GTF2IRD1: variants seen among roughly 807,000 people sequenced by gnomAD.
GTF2IRD1 encodes the protein general transcription factor II-I repeat domain-containing protein 1.
In GTF2IRD1, 26 loss-of-function variants were observed where a neutral mutation model predicts 113.2. That is an observed-to-expected ratio of 0.23 (90% CI 0.17 to 0.32). GTF2IRD1 has a LOEUF of 0.32. GTF2IRD1 is among the 10% of genes least tolerant of loss of function. The pLI, the probability that GTF2IRD1 is intolerant of heterozygous loss-of-function variation, is 1.00. For missense variants in GTF2IRD1, 864 were observed against 1,280.8 expected (o/e 0.67, Z 4.97); for synonymous variants, 484 against 529.1 (o/e 0.91, Z 1.17).
intron 22 of GTF2IRD1, chr7:74,572,605 G>A: frequency 2.1e-6 from 2 of 972,300 alleles, no homozygotes; most frequent in Non-Finnish European, 2.4e-6. Context: ...CAAGACTTGA[G>A]AGTCATTTCC....
At chr7:74,532,213 C>T (rs1798002208) in intron 9 of GTF2IRD1, among the ~76,000 whole-genome samples, 1 of 151,318 alleles carries the variant, frequency 6.6e-6, no homozygotes, top group Non-Finnish European at 1.5e-5. Flanking sequence ...CTCGAACCCA[C>T]ATCTCCCCGA....
At position 74,536,164 on chromosome 7, in the gene GTF2IRD1, C is replaced by T. The variant is rs781802581; in HGVS notation, c.1301-3C>T. The T allele has an allele frequency of 3.0e-5, 48 of 1,606,628 alleles. No individual in the cohort carries two copies. Among genetic ancestry groups the T allele is most frequent in the Non-Finnish European group, 4.1e-5 (48 of 1,173,340 alleles). On this transcript the variant is annotated splice_polypyrimidine_tract_variant and splice_region_variant and intron_variant, in intron 10 of 26. Coordinates refer to ENST00000424337, the MANE Select transcript of GTF2IRD1 (RefSeq NM_005685.4). ...ACCCTGACCTCCCTGACTCTCCCCA[C>T]AGGGAACAAGTTTACCAAAGACACC...
intron 17 of GTF2IRD1, among the ~76,000 whole-genome samples, chr7:74,548,153 C>G (rs1187144717): frequency 6.6e-6 from 1 of 152,164 alleles, no homozygotes; most frequent in Non-Finnish European, 1.5e-5. Flanking sequence ...CGCGGTGGCT[C>G]ACGCCTGTAA....
At chr7:74,500,553 G>T (rs547118224) in intron 1 of GTF2IRD1, among the ~76,000 whole-genome samples, 7 of 152,050 alleles carry the variant, frequency 4.6e-5, no homozygotes, top group Non-Finnish European at 1.0e-4. Flanking sequence ...AGCGGGCCAG[G>T]CCTCTCAGTG....
At chr7:74,550,808 C>T (rs781812607) in intron 17 of GTF2IRD1, among the ~76,000 whole-genome samples, 4 of 151,670 alleles carry the variant, frequency 2.6e-5, no homozygotes, top group Non-Finnish European at 5.9e-5. Context: ...ACAGGAGGGT[C>T]GCTTGAGGCC....
intron 1 of GTF2IRD1, among the ~76,000 whole-genome samples, chr7:74,471,671 T>TAAAAAAAAAAA (rs1794096527): frequency 1.8e-5 from 1 of 54,094 alleles, no homozygotes; most frequent in Non-Finnish European, 3.7e-5. Context: ...TTTGAAATAT[T>TAAAAAAAAAAA]TAAAAAAAAA....
At chr7:74,454,948 C>G (rs1584429484) in intron 1 of GTF2IRD1, among the ~76,000 whole-genome samples, 1 of 152,206 alleles carries the variant, frequency 6.6e-6, no homozygotes, top group Non-Finnish European at 1.5e-5. Flanking sequence ...CTTGACACCT[C>G]TCCTGGGCTC....
intron 22 of GTF2IRD1, among the ~76,000 whole-genome samples, chr7:74,582,906 G>C (rs1554366542): frequency 6.6e-6 from 1 of 152,004 alleles, no homozygotes; most frequent in East Asian, 1.9e-4. Flanking sequence ...AAAATTAGCT[G>C]GGTGTGGTAG....
chr7:74,530,628 A>AAGGG (rs1306692959), intron 9 of GTF2IRD1, among the ~76,000 whole-genome samples: 1 of 142,772 alleles, frequency 7.0e-6, no homozygotes, highest in African/African-American at 2.6e-5. Context: ...GGGTGGGGGG[A>AAGGG]AGGGACAATG....
intron 22 of GTF2IRD1, among the ~76,000 whole-genome samples, chr7:74,586,533 A>G (rs1264546256): frequency 1.3e-5 from 2 of 152,154 alleles, no homozygotes; most frequent in Non-Finnish European, 2.9e-5. Flanking sequence ...AGATGTGCAG[A>G]GATTGCTGAG....
chr7:74,520,181 A>G (rs1797197614), intron 6 of GTF2IRD1, among the ~76,000 whole-genome samples: 1 of 151,454 alleles, frequency 6.6e-6, no homozygotes, highest in Admixed American at 6.6e-5. Context: ...TAAAGGAAGT[A>G]AGCATACTAG....
chr7:74,598,964 C>G (rs1166832182), intron 25 of GTF2IRD1, among the ~76,000 whole-genome samples: 1 of 152,154 alleles, frequency 6.6e-6, no homozygotes, highest in Non-Finnish European at 1.5e-5. Flanking sequence ...GACATTTGCC[C>G]CATGGACCCA....
intron 22 of GTF2IRD1, among the ~76,000 whole-genome samples, chr7:74,565,608 C>T (rs587616871): frequency 6.6e-6 from 1 of 152,164 alleles, no homozygotes; most frequent in South Asian, 2.1e-4. Flanking sequence ...GTGACTAAGG[C>T]GGGAGAAACC....
intron 3 of GTF2IRD1, among the ~76,000 whole-genome samples, chr7:74,513,562 C>T (rs1554343675): frequency 6.6e-6 from 1 of 152,204 alleles, no homozygotes; most frequent in Non-Finnish European, 1.5e-5. Context: ...ACCTCAGCCT[C>T]CCAAAGTGCT....
At chr7:74,485,164 C>T (rs573264673) in intron 1 of GTF2IRD1, among the ~76,000 whole-genome samples, 12 of 152,260 alleles carry the variant, frequency 7.9e-5, no homozygotes, top group Middle Eastern at 6.8e-3. Context: ...GAGGGATGTG[C>T]ATCAAGGCAT....
At chr7:74,539,134 G>A (rs1798480510) in intron 13 of GTF2IRD1, among the ~76,000 whole-genome samples, 1 of 152,172 alleles carries the variant, frequency 6.6e-6, no homozygotes, top group Non-Finnish European at 1.5e-5. Context: ...TGGAGCCTCA[G>A]TACGGGGTGA....
At chr7:74,496,384 G>A (rs1465669462) in intron 1 of GTF2IRD1, among the ~76,000 whole-genome samples, 4 of 150,048 alleles carry the variant, frequency 2.7e-5, no homozygotes, top group Non-Finnish European at 4.4e-5. Flanking sequence ...ATATATGTGT[G>A]TGATATATGT....
chr7:74,499,465 A>G (rs1167232937), intron 1 of GTF2IRD1, among the ~76,000 whole-genome samples: 3 of 151,982 alleles, frequency 2.0e-5, no homozygotes, highest in African/African-American at 7.3e-5. Context: ...AAGGAAGGAA[A>G]GAAGGAAGGA....
At chr7:74,545,842 T>C (rs1554353134) in intron 16 of GTF2IRD1, 33 bp downstream of exon 16, 7 of 1,518,562 alleles carry the variant, frequency 4.6e-6, no homozygotes, top group African/African-American at 1.4e-5. Context: ...TCTGGGGGCA[T>C]CCCGGCCCCC....
Sources: allele counts gnomAD v4.1 joint callset (sites outside exome capture counted in the v4.1 genomes callset), GRCh38; gene constraint gnomAD v4.1.1; transcripts MANE v1.5; gene names NCBI Gene and HGNC (gene_info 2026-07-23, HGNC 2026-07-21).